KAZN: variants seen among roughly 807,000 people sequenced by gnomAD.
KAZN encodes kazrin.
A neutral mutation model predicts 87.4 loss-of-function variants in KAZN; 40 were observed. That is an observed-to-expected ratio of 0.46 (90% CI 0.36 to 0.60). KAZN has a LOEUF of 0.60. Ranked by LOEUF, KAZN falls within the 20% of genes least tolerant of loss-of-function variation. KAZN has a pLI of 0.00. For missense variants in KAZN, 898 were observed against 1,073.9 expected, an observed-to-expected ratio of 0.84 and a Z score of 2.29; for synonymous variants, 466 against 458.3, an observed-to-expected ratio of 1.02 and a Z score of -0.22.
chr1:14,658,913 C>A (rs1266269008), intron 1 of KAZN, among the ~76,000 whole-genome samples: 1 of 152,182 alleles, frequency 6.6e-6, no homozygotes, highest in Non-Finnish European at 1.5e-5. Context: ...TCCACTTTCA[C>A]CTGCTTTCAC....
chr1:14,951,587 C>G (rs1482659525), intron 1 of KAZN, among the ~76,000 whole-genome samples: 1 of 152,066 alleles, frequency 6.6e-6, no homozygotes, highest in East Asian at 1.9e-4. Context: ...AGCAATTTTC[C>G]TGCCTCAGCC....
At chr1:14,049,504 C>T (rs946995632) in intron 1 of KAZN, among the ~76,000 whole-genome samples, 11 of 152,070 alleles carry the variant, frequency 7.2e-5, no homozygotes, top group African/African-American at 2.7e-4. Flanking sequence ...CCAATGAGTA[C>T]CTGCTGCCTA....
At chr1:14,895,572 T>C (rs1296805519) in intron 1 of KAZN, among the ~76,000 whole-genome samples, 1 of 152,170 alleles carries the variant, frequency 6.6e-6, no homozygotes, top group East Asian at 1.9e-4. Flanking sequence ...GACCTTGTCA[T>C]CAGCTGATGC....
intron 2 of KAZN, among the ~76,000 whole-genome samples, chr1:14,353,423 C>A (rs2100949605): frequency 6.6e-6 from 1 of 152,186 alleles, no homozygotes; most frequent in South Asian, 2.1e-4. Flanking sequence ...TGGGGTTTCA[C>A]TGTGTTAGGA....
rs1422129497 is a variant in KAZN, at chr1:14,399,678, T to C, written c.250-199305T>C. ...CACGTTGCTAAGGGGTGGTGGCCTG[T>C]GTGACCCTCTTTTTCACACCTTGGA... On this transcript the variant is annotated intron_variant, in intron 2 of 16. Coordinates refer to the KAZN transcript ENST00000636203. Among the ~76,000 whole-genome samples, 9 of 152,070 alleles carry C rather than the reference T, an allele frequency of 5.9e-5. No homozygotes were observed. The South Asian group carries it at 1.2e-3, about 21-fold the overall frequency.
intron 2 of KAZN, among the ~76,000 whole-genome samples, chr1:14,560,741 G>A (rs1557801208): frequency 6.6e-6 from 1 of 152,138 alleles, no homozygotes; most frequent in Non-Finnish European, 1.5e-5. Context: ...AGAAGGAGAA[G>A]ATGGGAAAGA....
intron 4 of KAZN, among the ~76,000 whole-genome samples, chr1:15,045,355 G>T (rs1673362490): frequency 6.6e-6 from 1 of 152,162 alleles, no homozygotes; most frequent in Non-Finnish European, 1.5e-5. Context: ...GTGACTTTGG[G>T]CAGGAGCCTT....
At chr1:13,982,703 C>G (rs1327811622) in intron 1 of KAZN, among the ~76,000 whole-genome samples, 2 of 152,162 alleles carry the variant, frequency 1.3e-5, no homozygotes, top group Non-Finnish European at 2.9e-5. Flanking sequence ...TCCACCTCCC[C>G]ATCAGATTAG....
At chr1:14,501,175 A>G (rs1199914963) in intron 2 of KAZN, among the ~76,000 whole-genome samples, 1 of 151,926 alleles carries the variant, frequency 6.6e-6, no homozygotes, top group Non-Finnish European at 1.5e-5. Flanking sequence ...TTAATGGTGA[A>G]AGAATGAATG....
At chr1:15,023,120 C>A (rs76022133) in intron 2 of KAZN, among the ~76,000 whole-genome samples, 2,483 of 152,218 alleles carry the variant, frequency 0.016, 54 homozygotes, top group African/African-American at 0.057. Flanking sequence ...GTGCGGATTC[C>A]TGTAGGGCCG....
At position 14,598,782 on chromosome 1, in the gene KAZN, C is replaced by T. The variant is rs1676694772; in HGVS notation, c.-216C>T. 7.4e-7 allele frequency: 1 copy of T among 1,351,866 alleles called. No individual in the cohort carries two copies. Among genetic ancestry groups the T allele is most frequent in the African/African-American group, 1.5e-5 (1 of 64,638 alleles). The allele number at this position is 1,351,866 out of a possible 1,614,324, so 83.7% of individuals were successfully genotyped here. On this transcript the variant is annotated 5_prime_UTR_variant, in exon 1 of 15. Coordinates refer to ENST00000376030, the MANE Select transcript of KAZN (RefSeq NM_201628.3). The surrounding 1 kb of genome is among the most constrained non-coding windows in gnomAD (Gnocchi z 4.2). ...CTCTTTTTTCTCCTCCGCCTCCTCC[C>T]CCCGCCGCCTCGCCACCGCCGCGGC...
At position 14,665,713 on chromosome 1, in the gene KAZN, C is replaced by T. The variant is rs1055565536; in HGVS notation, c.226+66490C>T. Among the ~76,000 whole-genome samples, 11 of 152,002 alleles carry T rather than the reference C, an allele frequency of 7.2e-5. 1 individual carries two copies. In the South Asian group the frequency reaches 1.0e-3, roughly 14 times the overall value. On this transcript the variant is annotated intron_variant, in intron 1 of 14. Coordinates refer to ENST00000376030, the MANE Select transcript of KAZN (RefSeq NM_201628.3). ...CCTAACGATTCAGTTAGAGAAAGCCCGGAGACCATTAGACACTGGACTTGG... is the reference window on the plus strand; with the variant it reads ...CCTAACGATTCAGTTAGAGAAAGCCTGGAGACCATTAGACACTGGACTTGG...
intron 1 of KAZN, among the ~76,000 whole-genome samples, chr1:13,899,354 TTAA>T (rs1246665444): frequency 6.6e-6 from 1 of 152,234 alleles, no homozygotes; most frequent in Non-Finnish European, 1.5e-5. Flanking sequence ...AATATTTCTC[TTAA>T]CTAGTTAGTA....
intron 2 of KAZN, among the ~76,000 whole-genome samples, chr1:14,991,705 G>C (rs558620667): frequency 6.6e-6 from 1 of 152,326 alleles, no homozygotes; most frequent in South Asian, 2.1e-4. Flanking sequence ...GCCCCAGGGG[G>C]ATTGGAGCAC....
chr1:14,457,869 G>A (rs1158188768), intron 2 of KAZN, among the ~76,000 whole-genome samples: 1 of 150,476 alleles, frequency 6.6e-6, no homozygotes, highest in Admixed American at 6.6e-5. Context: ...CCAGGCTGGA[G>A]TGCAGTGGTG....
intron 1 of KAZN, among the ~76,000 whole-genome samples, chr1:14,836,898 C>T (rs973315595): frequency 3.9e-5 from 6 of 152,152 alleles, no homozygotes; most frequent in African/African-American, 1.2e-4. Context: ...GTACTTGAAA[C>T]TAATGAGCCC....
chr1:14,808,225 A>G (rs1646284452), intron 1 of KAZN, among the ~76,000 whole-genome samples: 1 of 151,906 alleles, frequency 6.6e-6, no homozygotes, highest in African/African-American at 2.4e-5. Flanking sequence ...TGCAATAAAC[A>G]GAGTAAAAGT....
intron 1 of KAZN, among the ~76,000 whole-genome samples, chr1:14,071,324 G>A (rs6686675): frequency 0.034 from 5,126 of 152,208 alleles, 279 homozygotes; most frequent in African/African-American, 0.11. Flanking sequence ...ATCACCTTGG[G>A]CTGGAGTCTG....
intron 1 of KAZN, among the ~76,000 whole-genome samples, chr1:13,969,490 T>C (rs1642062729): frequency 6.6e-6 from 1 of 152,156 alleles, no homozygotes; most frequent in African/African-American, 2.4e-5. Context: ...GGAAGCTAAG[T>C]GAGAGGCATG....
Sources: gnomAD v4.1 joint callset for allele counts (sites outside exome capture counted in the v4.1 genomes callset) on GRCh38, gnomAD v4.1.1 for gene constraint, Gnocchi (gnomAD v3.1) non-coding constraint, MANE v1.5 for transcripts, NCBI Gene and HGNC (gene_info 2026-07-23, HGNC 2026-07-21) for gene names.